PIK3R1: variants seen among roughly 807,000 people sequenced by gnomAD.
PIK3R1 encodes the protein phosphatidylinositol 3-kinase regulatory subunit alpha.
PIK3R1 carries 29 observed loss-of-function variants against 98.0 expected under a neutral mutation model. That is an observed-to-expected ratio of 0.30 (90% confidence interval 0.22 to 0.40). The LOEUF (loss-of-function observed/expected upper bound fraction) is 0.40, where lower values mean the gene tolerates loss of function less well. PIK3R1 is among the 10% of genes least tolerant of loss of function. The probability of loss-of-function intolerance (pLI) is 1.00; values close to 1 mark genes in which losing one functional copy is unlikely to be tolerated. For missense variants in PIK3R1, 596 were observed against 872.7 expected (o/e 0.68, Z 3.99); for synonymous variants, 282 against 311.8 (o/e 0.90, Z 1.01).
intron 2 of PIK3R1, among the ~76,000 whole-genome samples, chr5:68,261,803 G>C (rs1193771065): frequency 6.6e-6 from 1 of 152,218 alleles, no homozygotes; most frequent in Non-Finnish European, 1.5e-5. Context: ...TGAAAAAGTA[G>C]TTGACAGCTT....
At chr5:68,292,194 C>T (rs192384537) in intron 7 of PIK3R1, 65 bp from the exon 8 acceptor site, 441 of 922,162 alleles carry the variant, frequency 4.8e-4, no homozygotes, top group Non-Finnish European at 4.3e-4. Flanking sequence ...TAAAAGTATT[C>T]ATCTAAAGAA....
At chr5:68,275,298 G>A (rs752972985) in intron 4 of PIK3R1, among the ~76,000 whole-genome samples, 6 of 152,154 alleles carry the variant, frequency 3.9e-5, no homozygotes, top group South Asian at 4.1e-4. Context: ...CTTGTTTTTC[G>A]GTGTTTCTGA....
intron 8 of PIK3R1, 85 bp downstream of exon 8, chr5:68,292,446 A>G (rs1561296868): frequency 2.1e-6 from 3 of 1,434,516 alleles, no homozygotes; most frequent in Non-Finnish European, 2.9e-6. Flanking sequence ...TTTTTAGGAT[A>G]TCATCCAACA....
rs1485192207 is a variant in PIK3R1 at position 68,300,231 on chromosome 5, T to C, written c.*2630T>C. 7 of 233,082 alleles carry C rather than the reference T, an allele frequency of 3.0e-5. No individual in the cohort carries two copies. 14.4% of individuals were successfully genotyped at this position (233,082 alleles called of 1,614,324 possible). ...TTGAACAGCAAAGTAGGATTCATCA[T>C]TCCATATGACTTGAGTTACACCAGA... On this transcript the variant is annotated 3_prime_UTR_variant, in exon 16 of 16. Transcript: ENST00000521381.
At position 68,294,518 on chromosome 5, in the gene PIK3R1, T is replaced by C. The variant is rs1199899755; in HGVS notation, c.1426-18T>C. 1.3e-6 allele frequency: 2 copies of C among 1,585,334 alleles called. No homozygotes were observed. Among genetic ancestry groups the C allele is most frequent in the Non-Finnish European group, 8.6e-7 (1 of 1,162,104 alleles). On this transcript the variant is annotated intron_variant, in intron 11 of 15. Coordinates refer to ENST00000521381, the MANE Select transcript of PIK3R1 (RefSeq NM_181523.3). The stretch of plus-strand genomic sequence containing the variant: ...TCTATGAAAGGTATGACATTATCTT[T>C]TTAAAATTATGTTGCAGGAAATCCA...
intron 2 of PIK3R1, among the ~76,000 whole-genome samples, chr5:68,250,915 T>C (rs1243992005): frequency 6.6e-6 from 1 of 152,202 alleles, no homozygotes; most frequent in Non-Finnish European, 1.5e-5. Context: ...AGTACTGAGC[T>C]CAAGAGGAAG....
At chr5:68,242,205 T>A (rs1476567855) in intron 2 of PIK3R1, among the ~76,000 whole-genome samples, 2 of 152,190 alleles carry the variant, frequency 1.3e-5, no homozygotes. Flanking sequence ...ATGTTTGTGT[T>A]TTAATTGATG....
chr5:68,247,902 C>T (rs1392329943), intron 2 of PIK3R1, among the ~76,000 whole-genome samples: 2 of 152,120 alleles, frequency 1.3e-5, no homozygotes, highest in African/African-American at 4.8e-5. Context: ...GCATCATTGC[C>T]CCAGAGTCAT....
intron 6 of PIK3R1, 32 bp from the exon 7 acceptor site, chr5:68,280,894 GA>G (rs2112196734): frequency 6.8e-7 from 1 of 1,475,442 alleles, no homozygotes; most frequent in Non-Finnish European, 9.3e-7. Context: ...TGCTTTTAGG[GA>G]AAAGGTTTCT....
At position 68,297,634 on chromosome 5, in the gene PIK3R1, C is replaced by G. The variant is rs557330835; in HGVS notation, c.*33C>G. 7.5e-6 allele frequency: 12 copies of G among 1,596,080 alleles called. No homozygotes were observed. The African/African-American group carries it at 1.3e-4, about 18-fold the overall frequency. ...ACTCTTTGATCCTTCTCCTGAAGTT[C>G]AGCCACCCTGAGGCCTCTGGAAAGC... On this transcript the variant is annotated 3_prime_UTR_variant, in exon 16 of 16. Coordinates refer to ENST00000521381, the MANE Select transcript of PIK3R1 (RefSeq NM_181523.3).
intron 2 of PIK3R1, among the ~76,000 whole-genome samples, chr5:68,265,895 C>T (rs1340321703): frequency 1.3e-5 from 2 of 152,060 alleles, no homozygotes; most frequent in Non-Finnish European, 2.9e-5. Flanking sequence ...GAGAAAAAAC[C>T]CCCTACTCTC....
intron 2 of PIK3R1, among the ~76,000 whole-genome samples, chr5:68,234,686 G>A (rs779873506): frequency 1.3e-5 from 2 of 152,232 alleles, no homozygotes; most frequent in African/African-American, 2.4e-5. Context: ...GATCTGTACT[G>A]AGAGTTCCTA....
chr5:68,254,333 A>G (rs1745431731), intron 2 of PIK3R1, among the ~76,000 whole-genome samples: 1 of 152,220 alleles, frequency 6.6e-6, no homozygotes, highest in Non-Finnish European at 1.5e-5. Context: ...GAAAATTGGA[A>G]GTTTACTGAA....
intron 2 of PIK3R1, among the ~76,000 whole-genome samples, chr5:68,238,058 T>G (rs1016058681): frequency 6.6e-6 from 1 of 152,172 alleles, no homozygotes; most frequent in Non-Finnish European, 1.5e-5. Flanking sequence ...GAAAATAAAG[T>G]GCTGAAGGTG....
At position 68,297,615 on chromosome 5, in the gene PIK3R1, T is replaced by G. The variant is rs914938762; in HGVS notation, c.*14T>G. 3.1e-6 allele frequency: 5 copies of G among 1,610,860 alleles called. No individual in the cohort carries two copies. The highest frequency in any genetic ancestry group is 4.2e-6 in the Non-Finnish European group (5 of 1,178,002). ...CAGAGGCGATGAAGCGCTTACTCTT[T>G]GATCCTTCTCCTGAAGTTCAGCCAC... On this transcript the variant is annotated 3_prime_UTR_variant, in exon 16 of 16. Transcript: ENST00000521381.
chr5:68,254,352 C>T (rs374190008), intron 2 of PIK3R1, among the ~76,000 whole-genome samples: 5 of 152,196 alleles, frequency 3.3e-5, no homozygotes, highest in South Asian at 2.1e-4. Flanking sequence ...AAAAGAGTTT[C>T]GAATCATGGG....
chr5:68,253,978 A>AC (rs1354525922), intron 2 of PIK3R1, among the ~76,000 whole-genome samples: 13 of 105,376 alleles, frequency 1.2e-4, no homozygotes, highest in African/African-American at 5.1e-4. Context: ...TTTCCCGTGG[A>AC]CCCCCTTTTT....
Position 68,226,527 on chromosome 5 carries a change from T to C in PIK3R1, c.-149T>C. The C allele has an allele frequency of 1.5e-6, 1 of 648,118 alleles. No homozygotes were observed. The highest frequency in any genetic ancestry group is 2.0e-5 in the South Asian group (1 of 49,150). The allele number at this position is 648,118 out of a possible 1,614,324, so 40.1% of individuals were successfully genotyped here. On this transcript the variant is annotated 5_prime_UTR_variant, in exon 2 of 16. Transcript: ENST00000521381. ...GCCGTATGGCCAGTCACCTCTCCTC[T>C]TAAACCTTTGGAGAGTGGTCCTTTG...
chr5:68,243,458 T>A (rs1292754923), intron 2 of PIK3R1, among the ~76,000 whole-genome samples: 5 of 152,246 alleles, frequency 3.3e-5, no homozygotes, highest in African/African-American at 1.2e-4. Flanking sequence ...TCTATGGAGG[T>A]CATAACCTAG....
Sources: allele counts gnomAD v4.1 joint callset (sites outside exome capture counted in the v4.1 genomes callset), GRCh38; gene constraint gnomAD v4.1.1; transcripts MANE v1.5; gene names NCBI Gene and HGNC (gene_info 2026-07-23, HGNC 2026-07-21).